ACAT1: variants seen among roughly 807,000 people sequenced by gnomAD.
The protein encoded by ACAT1 is acetyl-CoA acetyltransferase 1, also known as acetyl-CoA acetyltransferase, mitochondrial.
A neutral mutation model predicts 47.3 loss-of-function variants in ACAT1; 28 were observed. The ratio of observed to expected loss-of-function variants is 0.59; its 90% CI spans 0.44 to 0.81. The LOEUF is 0.81. Ranked by LOEUF, ACAT1 falls within the 30% of genes least tolerant of loss-of-function variation. The pLI is 0.00. For synonymous variants in ACAT1, 181 were observed against 173.6 expected (o/e 1.04, Z -0.34); for missense variants, 469 against 524.3 (o/e 0.89, Z 1.03).
At position 108,147,398 on chromosome 11, in the gene ACAT1, C is replaced by T. The variant is rs2077742980; in HGVS notation, c.*8C>T. ...CTAATTCAGAAGCTGTAGACAACCT[C>T]TGCTATTTAAGGAGACAACCCTATG... On this transcript the variant is annotated 3_prime_UTR_variant, in exon 12 of 12. Transcript: ENST00000265838. The T allele has an allele frequency of 1.9e-6, 3 of 1,613,024 alleles. No individual in the cohort carries two copies. Among genetic ancestry groups the T allele is most frequent in the Middle Eastern group, 3.3e-4 (2 of 6,076 alleles).
chr11:108,146,495 G>C, intron 11 of ACAT1, 136 bp downstream of exon 11: 1 of 884,398 alleles, frequency 1.1e-6, no homozygotes, highest in East Asian at 2.6e-5. Flanking sequence ...AACCATTTCT[G>C]ATAGATGGTA....
intron 10 of ACAT1, among the ~76,000 whole-genome samples, chr11:108,144,830 G>C (rs1045724251): frequency 6.6e-6 from 1 of 152,180 alleles, no homozygotes; most frequent in Non-Finnish European, 1.5e-5. Flanking sequence ...CGCAGCTTCT[G>C]AAAGTGAGTA....
At chr11:108,136,241 ATGTGACAGTCAT>A in intron 5 of ACAT1, 1 of 428,926 alleles carries the variant, frequency 2.3e-6, no homozygotes, top group East Asian at 3.5e-5. Flanking sequence ...AGCATCTGCC[ATGTGACAGTCAT>A]TGGAAATAGA....
chr11:108,129,532 C>T (rs2077317166), intron 1 of ACAT1, among the ~76,000 whole-genome samples: 1 of 152,050 alleles, frequency 6.6e-6, no homozygotes, highest in Admixed American at 6.6e-5. Flanking sequence ...CCACGTCCAG[C>T]TAATTTTTGT....
In ACAT1 at chr11:108,147,363, T is replaced by C; in HGVS notation, c.1257T>C (p.Ala419=). 6.2e-7 allele frequency: 1 copy of C among 1,613,916 alleles called. No individual in the cohort carries two copies. Among genetic ancestry groups the C allele is most frequent in the Non-Finnish European group, 8.5e-7 (1 of 1,179,880 alleles). Reference sequence around the variant, plus strand: ...GTATTTGCAATGGAGGAGGAGGTGCTTCTGCCATGCTAATTCAGAAGCTGT... The same window carrying C: ...GTATTTGCAATGGAGGAGGAGGTGCCTCTGCCATGCTAATTCAGAAGCTGT... ...LASICNGGGG[A]SAMLIQKL is the part of the protein sequence containing the mutation. The change falls in exon 12 of 12, where the codon GCT becomes GCC. Residue 419 remains alanine (A), a synonymous_variant. Transcript: ENST00000265838.
intron 1 of ACAT1, among the ~76,000 whole-genome samples, chr11:108,131,384 C>CTTTT (rs1215483949): frequency 4.1e-4 from 9 of 21,792 alleles, no homozygotes; most frequent in Admixed American, 6.6e-4. Flanking sequence ...GACAGTCTTG[C>CTTTT]TTTGTTGCCA....
At chr11:108,136,130 G>T (rs2077463936) in intron 5 of ACAT1, 2 of 674,410 alleles carry the variant, frequency 3.0e-6, no homozygotes, top group Admixed American at 2.5e-5. Context: ...GTGAGACCTG[G>T]ACACACAGAA....
At chr11:108,121,965 C>G in intron 1 of ACAT1, 1 of 520,912 alleles carries the variant, frequency 1.9e-6, no homozygotes. Flanking sequence ...CGGGCAGGAC[C>G]GCCAGGATTG....
upstream of ACAT1, chr11:108,121,529 C>A: frequency 1.4e-6 from 2 of 1,473,954 alleles, no homozygotes. Context: ...GTGCCCGCGC[C>A]GGGCCGCTAG....
intron 11 of ACAT1, 107 bp from the exon 12 acceptor site, chr11:108,147,160 AAGT>A: frequency 7.8e-7 from 1 of 1,287,654 alleles, no homozygotes; most frequent in Non-Finnish European, 1.1e-6. Context: ...TTAATTCAGC[AAGT>A]AGTAGTGGCT....
rs1456833365 is a variant in ACAT1, at chr11:108,135,311, G to A, written c.435+69G>A. The A allele has an allele frequency of 1.2e-5, 14 of 1,128,156 alleles. No homozygotes were observed. In the South Asian group the frequency reaches 1.8e-4, roughly 14 times the overall value. 69.9% of individuals were successfully genotyped at this position (1,128,156 alleles called of 1,614,324 possible). A position where few individuals can be genotyped will look rare whatever the true frequency, so the allele number is the denominator to read the frequency against. Reference sequence around the variant, plus strand: ...TAGGGCTAAAAGACACAAAAATCTAGGCATATTCATATTTTAGAAATGAGA... The same window carrying A: ...TAGGGCTAAAAGACACAAAAATCTAAGCATATTCATATTTTAGAAATGAGA... On this transcript the variant is annotated intron_variant, in intron 5 of 11. Coordinates refer to ENST00000265838, the MANE Select transcript of ACAT1 (RefSeq NM_000019.4).
intron 7 of ACAT1, among the ~76,000 whole-genome samples, chr11:108,141,101 G>T (rs774004974): frequency 6.6e-6 from 1 of 151,996 alleles, no homozygotes; most frequent in African/African-American, 2.4e-5. Flanking sequence ...AGCAGCACAC[G>T]CCTGTAGTCC....
chr11:108,121,806 C>T, intron 1 of ACAT1, 128 bp downstream of exon 1: 1 of 1,060,516 alleles, frequency 9.4e-7, no homozygotes, highest in Non-Finnish European at 1.4e-6. Context: ...AGGACAGTCA[C>T]GCGACGGGTT....
At position 108,123,034 on chromosome 11, in the gene ACAT1, G is replaced by T. The variant is rs957721456; in HGVS notation, c.72+1356G>T. Among the ~76,000 whole-genome samples, 7 of 152,074 alleles carry T rather than the reference G, an allele frequency of 4.6e-5. No individual in the cohort carries two copies. The South Asian group carries it at 1.0e-3, about 23-fold the overall frequency. ...GAGGTCAAGAGTTCAAGACCAGCCT[G>T]GCCAACGTGGTGAAGCCCCACCTCT... On this transcript the variant is annotated intron_variant, in intron 1 of 11. Transcript: ENST00000265838.
At chr11:108,131,579 T>C (rs1337507413) in intron 1 of ACAT1, among the ~76,000 whole-genome samples, 1 of 151,972 alleles carries the variant, frequency 6.6e-6, no homozygotes, top group Non-Finnish European at 1.5e-5. Context: ...CTTGAACTCC[T>C]GACCTCAGGT....
intron 4 of ACAT1, 43 bp downstream of exon 4, chr11:108,134,359 A>G: frequency 6.5e-7 from 1 of 1,527,794 alleles, no homozygotes; most frequent in Non-Finnish European, 9.1e-7. Flanking sequence ...AAATGTGTAA[A>G]AGGGGCCGGG....
At chr11:108,142,357 G>C in intron 8 of ACAT1, 80 bp from the exon 9 acceptor site, 2 of 1,059,744 alleles carry the variant, frequency 1.9e-6, no homozygotes, top group Middle Eastern at 4.0e-4. Context: ...AGCAGCCCAG[G>C]CAATAGGTAT....
At chr11:108,128,153 A>G (rs181572910) in intron 1 of ACAT1, among the ~76,000 whole-genome samples, 2 of 152,370 alleles carry the variant, frequency 1.3e-5, no homozygotes, top group South Asian at 2.1e-4. Context: ...CTACACAGAC[A>G]TTGCTGATGT....
chr11:108,129,725 A>G (rs1479427242), intron 1 of ACAT1, among the ~76,000 whole-genome samples: 1 of 152,130 alleles, frequency 6.6e-6, no homozygotes, highest in African/African-American at 2.4e-5. Flanking sequence ...TGCTGGATCA[A>G]ATGGTAGTTC....
Sources: gnomAD v4.1 joint callset for allele counts (sites outside exome capture counted in the v4.1 genomes callset) on GRCh38, gnomAD v4.1.1 for gene constraint, MANE v1.5 for transcripts, NCBI Gene and HGNC (gene_info 2026-07-23, HGNC 2026-07-21) for gene names.